The following HIVEP3 variants were observed in gnomAD, a reference collection of about 807,000 sequenced individuals.
HIVEP3 encodes the protein HIVEP zinc finger 3.
In HIVEP3, 49 loss-of-function variants were observed where a neutral mutation model predicts 152.8. That is an observed-to-expected ratio of 0.32 (90% confidence interval 0.26 to 0.41). The LOEUF (loss-of-function observed/expected upper bound fraction) is 0.41, where lower values mean the gene tolerates loss of function less well. Among genes scored for constraint, HIVEP3 ranks in the 10% least tolerant of loss-of-function variants. The pLI, the probability that HIVEP3 is intolerant of heterozygous loss-of-function variation, is 1.00. For synonymous variants in HIVEP3, 1,269 were observed against 1,289.0 expected (o/e 0.98, Z 0.33); for missense variants, 2,790 against 3,103.3 (o/e 0.90, Z 2.40).
intron 5 of HIVEP3, among the ~76,000 whole-genome samples, chr1:41,552,456 G>C (rs1418544108): frequency 6.8e-6 from 1 of 147,294 alleles, no homozygotes; most frequent in Non-Finnish European, 1.5e-5. Context: ...CTATGAGTGA[G>C]AATATGCGGT....
At chr1:41,689,370 G>A (rs1375096220) in intron 2 of HIVEP3, among the ~76,000 whole-genome samples, 2 of 152,186 alleles carry the variant, frequency 1.3e-5, no homozygotes, top group Non-Finnish European at 2.9e-5. Context: ...GAGTGAACTC[G>A]CCAACTTAGT....
At chr1:41,537,001 G>T (rs1643417882) in intron 5 of HIVEP3, among the ~76,000 whole-genome samples, 1 of 152,176 alleles carries the variant, frequency 6.6e-6, no homozygotes, top group Non-Finnish European at 1.5e-5. Context: ...TAAAATACAA[G>T]AGGCGGATCC....
intron 1 of HIVEP3, among the ~76,000 whole-genome samples, chr1:41,709,118 T>C (rs192170282): frequency 1.6e-4 from 25 of 152,274 alleles, no homozygotes; most frequent in African/African-American, 5.1e-4. Flanking sequence ...CAGCTACCCA[T>C]GGCCTTGGGT....
Position 41,951,175 on chromosome 1 carries a change from G to A in HIVEP3, n.120-32651C>T, listed in dbSNP as rs911460461. Reference sequence around the variant, plus strand: ...AATTAAATACTGAAAGAAGAAGGGGGCATTTGAAATGCCCTTCTAAGAATT... The same window carrying A: ...AATTAAATACTGAAAGAAGAAGGGGACATTTGAAATGCCCTTCTAAGAATT... On this transcript the variant is annotated intron_variant and non_coding_transcript_variant, in intron 1 of 3. Coordinates refer to the HIVEP3 transcript ENST00000489103. Among the ~76,000 whole-genome samples, 2 of 152,186 alleles carry A rather than the reference G, an allele frequency of 1.3e-5. 1 individual carries two copies. Among genetic ancestry groups the A allele is most frequent in the South Asian group, 4.1e-4 (2 of 4,828 alleles).
At chr1:42,033,375 C>T (rs1645624176) in intron 1 of HIVEP3, among the ~76,000 whole-genome samples, 2 of 152,104 alleles carry the variant, frequency 1.3e-5, no homozygotes, top group South Asian at 4.1e-4. Context: ...AATAAAACAA[C>T]ACTGAAGTAT....
intron 1 of HIVEP3, among the ~76,000 whole-genome samples, chr1:41,802,267 GTGCAGTGGCGCCATCTCAGCTCAC>G (rs1370988006): frequency 6.6e-6 from 1 of 152,182 alleles, no homozygotes; most frequent in East Asian, 1.9e-4. Flanking sequence ...TCAGGCTGGT[GTGCAGTGGCGCCATCTCAGCTCAC>G]TGCAGTCTCA....
chr1:41,840,746 A>G (rs1226395991), intron 1 of HIVEP3, among the ~76,000 whole-genome samples: 1 of 152,214 alleles, frequency 6.6e-6, no homozygotes, highest in Non-Finnish European at 1.5e-5. Flanking sequence ...CGTGCCAGCC[A>G]GCCAGTCACT....
At chr1:41,524,609 C>A in intron 6 of HIVEP3, 126 bp downstream of exon 6, 1 of 885,028 alleles carries the variant, frequency 1.1e-6, no homozygotes, top group Non-Finnish European at 1.8e-6. Context: ...TGGGTGGGAA[C>A]CCAGGAAATG....
intron 3 of HIVEP3, among the ~76,000 whole-genome samples, chr1:41,593,717 G>T (rs537549011): frequency 2.0e-5 from 3 of 152,358 alleles, no homozygotes; most frequent in African/African-American, 7.2e-5. Flanking sequence ...CAAAATGGTT[G>T]TATTTGGTTC....
chr1:41,870,075 G>A (rs1644051394), intron 1 of HIVEP3, among the ~76,000 whole-genome samples: 1 of 152,198 alleles, frequency 6.6e-6, no homozygotes, highest in Non-Finnish European at 1.5e-5. Context: ...TTTCTCAAGT[G>A]TCAGTCCTGA....
At chr1:41,996,007 C>A (rs756769240) in intron 1 of HIVEP3, among the ~76,000 whole-genome samples, 6 of 152,140 alleles carry the variant, frequency 3.9e-5, no homozygotes, top group Non-Finnish European at 7.3e-5. Flanking sequence ...TTTTATTAAG[C>A]TCCTGGAATC....
intron 6 of HIVEP3, among the ~76,000 whole-genome samples, chr1:41,518,941 C>T (rs621727): frequency 0.35 from 53,329 of 151,344 alleles, 10,454 homozygotes; most frequent in Non-Finnish European, 0.45. Context: ...ACCGGCATGA[C>T]GGGTGAGGAC....
rs564869956 is a variant in HIVEP3 at position 41,729,957 on chromosome 1, A to T, written c.-800-28962T>A. Among the ~76,000 whole-genome samples the T allele has an allele frequency of 2.0e-5, 3 of 152,374 alleles. No homozygotes were observed. The East Asian group carries it at 5.8e-4, about 29-fold the overall frequency. ...AGGAAGGGAGGCACAAAGGCAGGGC[A>T]GGGAATACTGTGCCTGTTTTCCAGA... is the stretch of plus-strand genomic sequence containing the variant. On this transcript the variant is annotated intron_variant, in intron 1 of 8. Transcript: ENST00000372583.
chr1:41,828,750 G>A (rs1642875131), intron 1 of HIVEP3, among the ~76,000 whole-genome samples: 1 of 152,158 alleles, frequency 6.6e-6, no homozygotes, highest in Admixed American at 6.5e-5. Context: ...TGCCAACTCA[G>A]GCTCCTCAAA....
Position 41,584,046 on chromosome 1 carries a change from G to T in HIVEP3, c.752C>A (p.Ala251Asp). The change falls in exon 4 of 9, where the codon GCC becomes GAC. Residue 251 changes from alanine to aspartate, a missense_variant. By Grantham distance (126) the Ala-to-Asp change is moderately radical (BLOSUM62 -2). Around this residue, in one of 9 missense-constraint regions of HIVEP3, gnomAD observed 125 missense variants for 130.1 expected, o/e 0.96. Coordinates refer to ENST00000372583, the MANE Select transcript of HIVEP3 (RefSeq NM_024503.5). The surrounding 1 kb of genome is among the most constrained non-coding windows in gnomAD (Gnocchi z 5.2). The part of the protein sequence containing the change: ...SHAHRIKAGL[A>D]SGMGGEMYPH... ...GTACATCTCGCCACCCATGCCTGAG[G>T]CCAGGCCTGCTTTGATGCGGTGGGC... The T allele has an allele frequency of 6.2e-7, 1 of 1,614,178 alleles. No homozygotes were observed. The highest frequency in any genetic ancestry group is 8.5e-7 in the Non-Finnish European group (1 of 1,180,026).
intron 1 of HIVEP3, among the ~76,000 whole-genome samples, chr1:41,836,529 A>G (rs1385986359): frequency 1.3e-5 from 2 of 152,224 alleles, no homozygotes; most frequent in Non-Finnish European, 2.9e-5. Flanking sequence ...TAATCCCATC[A>G]ACAAGACAAT....
At chr1:41,981,694 G>A (rs1336667290) in intron 1 of HIVEP3, among the ~76,000 whole-genome samples, 1 of 152,218 alleles carries the variant, frequency 6.6e-6, no homozygotes, top group Non-Finnish European at 1.5e-5. Context: ...AAAGGTAAAG[G>A]AAATTGCGTT....
At chr1:41,686,197 G>A (rs1010610552) in intron 2 of HIVEP3, among the ~76,000 whole-genome samples, 2 of 151,876 alleles carry the variant, frequency 1.3e-5, no homozygotes, top group Admixed American at 6.6e-5. Context: ...TCAGTCTCCC[G>A]AGTAGCTGGG....
intron 5 of HIVEP3, among the ~76,000 whole-genome samples, chr1:41,537,792 T>C (rs899651370): frequency 3.9e-5 from 6 of 152,166 alleles, no homozygotes; most frequent in Non-Finnish European, 8.8e-5. Context: ...GTCATAACGC[T>C]CAGGCTGGGG....
Sources: gnomAD v4.1 joint callset for allele counts (sites outside exome capture counted in the v4.1 genomes callset) on GRCh38, gnomAD v4.1.1 for gene constraint, gnomAD v4.1.1 regional missense constraint, Gnocchi (gnomAD v3.1) non-coding constraint, MANE v1.5 for transcripts, NCBI Gene and HGNC (gene_info 2026-07-23, HGNC 2026-07-21) for gene names.